Variants in GFRA1 observed in about 807,000 individuals in gnomAD.
The protein encoded by GFRA1 is GDNF family receptor alpha-1.
Under a neutral mutation model 51.6 loss-of-function variants are expected in GFRA1, and 16 were observed. The observed-to-expected ratio is 0.31, with a 90% CI of 0.21 to 0.47. The LOEUF (loss-of-function observed/expected upper bound fraction) is 0.47. GFRA1 is among the 20% of genes least tolerant of loss of function. GFRA1 has a pLI of 1.00. For synonymous variants in GFRA1, 270 were observed against 241.3 expected (o/e 1.12, Z -1.10); for missense variants, 530 against 594.3 (o/e 0.89, Z 1.13).
chr10:116,238,910 A>G (rs1282767610), intron 4 of GFRA1, among the ~76,000 whole-genome samples: 1 of 152,226 alleles, frequency 6.6e-6, no homozygotes, highest in African/African-American at 2.4e-5. Flanking sequence ...ATTTCCCTAA[A>G]GTGAGAAAAT....
intron 5 of GFRA1, among the ~76,000 whole-genome samples, chr10:116,152,230 T>C (rs1183123385): frequency 6.6e-6 from 1 of 152,326 alleles, no homozygotes; most frequent in South Asian, 2.1e-4. Flanking sequence ...TGATGTAAGA[T>C]GGACCAGAGA....
Position 116,219,607 on chromosome 10 carries a change from A to G in GFRA1, c.419-7962T>C, listed in dbSNP as rs189706322. Among the ~76,000 whole-genome samples the G allele has an allele frequency of 6.6e-5, 10 of 152,344 alleles. No homozygotes were observed. The East Asian group carries it at 1.2e-3, about 18-fold the overall frequency. On this transcript the variant is annotated intron_variant, in intron 4 of 10. Coordinates refer to ENST00000355422, the MANE Select transcript of GFRA1 (RefSeq NM_005264.8). ...CAGCTGAGAAATCAGAAGAAGCCAC[A>G]TTAAGAGCCTAAACAAAAGAAGCTG...
At chr10:116,172,742 C>G (rs1030261400) in intron 5 of GFRA1, among the ~76,000 whole-genome samples, 1 of 152,154 alleles carries the variant, frequency 6.6e-6, no homozygotes, top group African/African-American at 2.4e-5. Context: ...GCTGTGTGTC[C>G]AGGCCGAGGT....
intron 4 of GFRA1, among the ~76,000 whole-genome samples, chr10:116,256,223 G>A (rs999850000): frequency 2.6e-5 from 4 of 152,142 alleles, no homozygotes; most frequent in Admixed American, 2.0e-4. Context: ...GCTGGAACAT[G>A]GAATTCAAAC....
In GFRA1 at chr10:116,063,565, C is replaced by CATATAACCTCATATGTGT. The variant is rs1434097408; in HGVS notation, c.*815_*832dup. The CATATAACCTCATATGTGT allele has an allele frequency of 1.3e-4, 20 of 152,098 alleles. No individual in the cohort carries two copies. Among genetic ancestry groups the CATATAACCTCATATGTGT allele is most frequent in the African/African-American group, 4.6e-4 (19 of 41,426 alleles). 9.4% of individuals were successfully genotyped at this position (152,098 alleles called of 1,614,324 possible). On this transcript the variant is annotated 3_prime_UTR_variant, in exon 11 of 11. Coordinates refer to ENST00000355422, the MANE Select transcript of GFRA1 (RefSeq NM_005264.8). ...CATTTAGTAGTAAAATTTTTTTCTA[C>CATATAACCTCATATGTGT]ATATAACCTCATATGTGTAAAGAGT... is the stretch of plus-strand genomic sequence containing the variant.
chr10:116,097,350 G>A (rs951191724), intron 6 of GFRA1, among the ~76,000 whole-genome samples: 1 of 152,194 alleles, frequency 6.6e-6, no homozygotes, highest in Non-Finnish European at 1.5e-5. Context: ...GGAACAGAAG[G>A]GGAAGCCAAG....
chr10:116,203,120 G>A (rs75085514), intron 5 of GFRA1, among the ~76,000 whole-genome samples: 2,027 of 152,208 alleles, frequency 0.013, 95 homozygotes, highest in East Asian at 0.11. Context: ...AAAGCCACTC[G>A]TCAATGAGTG....
intron 5 of GFRA1, among the ~76,000 whole-genome samples, chr10:116,206,331 T>C (rs1286731779): frequency 6.6e-6 from 1 of 152,138 alleles, no homozygotes; most frequent in Non-Finnish European, 1.5e-5. Flanking sequence ...TTTTCAGAAG[T>C]GGCTGAGTAA....
rs1260469313 is a variant in GFRA1, at chr10:116,057,986, A to G, written c.*6412T>C. 4 of 128,206 alleles carry G rather than the reference A, an allele frequency of 3.1e-5. No homozygotes were observed. The highest frequency in any genetic ancestry group is 4.9e-5 in the Non-Finnish European group (3 of 61,594). 7.9% of individuals were successfully genotyped at this position (128,206 alleles called of 1,614,324 possible). The stretch of plus-strand genomic sequence containing the variant: ...TAATGCTGGATCATATAGCCCTCCA[A>G]TCATTGTGTGTGTGTGTGTGTGTGT... On this transcript the variant is annotated 3_prime_UTR_variant, in exon 11 of 11. Transcript: ENST00000355422.
intron 6 of GFRA1, among the ~76,000 whole-genome samples, chr10:116,124,635 A>T (rs1305915633): frequency 6.6e-6 from 1 of 152,210 alleles, no homozygotes; most frequent in East Asian, 1.9e-4. Context: ...TGCTTTCAAC[A>T]ACATCATCCA....
intron 5 of GFRA1, among the ~76,000 whole-genome samples, chr10:116,192,959 C>A (rs537821770): frequency 5.7e-4 from 87 of 152,250 alleles, no homozygotes; most frequent in Non-Finnish European, 1.0e-3. Flanking sequence ...ATCTAAGAAT[C>A]AAATCCCCAC....
At position 116,244,460 on chromosome 10, in the gene GFRA1, AT is replaced by A. The variant is rs202173000; in HGVS notation, c.418+25042del. Among the ~76,000 whole-genome samples, 272 of 145,362 alleles carry A rather than the reference AT, an allele frequency of 1.9e-3. 2 individuals are homozygous for A. The highest frequency in any genetic ancestry group is 6.3e-3 in the African/African-American group (250 of 39,632). The stretch of plus-strand genomic sequence containing the variant: ...AATAATTAAAATTTAATTTAATTTA[AT>A]TTTAATATATAATAAATTTTAATAA... On this transcript the variant is annotated intron_variant, in intron 4 of 10. Transcript: ENST00000355422.
intron 8 of GFRA1, among the ~76,000 whole-genome samples, chr10:116,090,123 C>A (rs2694775): frequency 0.89 from 135,282 of 152,076 alleles, 60,593 homozygotes; most frequent in East Asian, 1. Context: ...TCAGTCATTA[C>A]ACCCTGAGCT....
At chr10:116,217,018 A>G (rs1219822274) in intron 4 of GFRA1, among the ~76,000 whole-genome samples, 1 of 152,192 alleles carries the variant, frequency 6.6e-6, no homozygotes, top group African/African-American at 2.4e-5. Context: ...AATCTCTGTG[A>G]ATGCAGTGAA....
chr10:116,251,325 G>A (rs745639558), intron 4 of GFRA1, among the ~76,000 whole-genome samples: 4 of 152,174 alleles, frequency 2.6e-5, no homozygotes, highest in Non-Finnish European at 5.9e-5. Flanking sequence ...AAGAGCACAT[G>A]GCAGGTCAGA....
chr10:116,244,538 T>C (rs1288444115), intron 4 of GFRA1, among the ~76,000 whole-genome samples: 1 of 149,294 alleles, frequency 6.7e-6, no homozygotes, highest in Non-Finnish European at 1.5e-5. Context: ...CCTATAAAAA[T>C]ATATAGGAAT....
intron 5 of GFRA1, among the ~76,000 whole-genome samples, chr10:116,134,130 T>TG (rs1238697289): frequency 1.3e-5 from 2 of 152,232 alleles, no homozygotes. Flanking sequence ...CTGCATGGCC[T>TG]GCAAGAGATA....
chr10:116,134,088 G>A (rs1051115052), intron 5 of GFRA1, among the ~76,000 whole-genome samples: 7 of 152,206 alleles, frequency 4.6e-5, no homozygotes, highest in Non-Finnish European at 1.0e-4. Flanking sequence ...TATGGATTAT[G>A]AGGTAGAATA....
At position 116,122,529 on chromosome 10, in the gene GFRA1, C is replaced by G. The variant is rs575587209; in HGVS notation, c.770+2692G>C. On this transcript the variant is annotated intron_variant, in intron 6 of 10. Transcript: ENST00000355422. ...CTCCCATCGCCTCCCCCAGAGCCCT[C>G]TAAGTTCTCAACTCCCAGCTATTCT... Among the ~76,000 whole-genome samples, 13 of 152,294 alleles carry G rather than the reference C, an allele frequency of 8.5e-5. No homozygotes were observed. In the East Asian group the frequency reaches 2.5e-3, roughly 29 times the overall value.
Sources: gnomAD v4.1 joint callset for allele counts (sites outside exome capture counted in the v4.1 genomes callset) on GRCh38, gnomAD v4.1.1 for gene constraint, MANE v1.5 for transcripts, NCBI Gene and HGNC (gene_info 2026-07-23, HGNC 2026-07-21) for gene names.